UBE3B: variants seen among roughly 807,000 people sequenced by gnomAD.
UBE3B encodes ubiquitin protein ligase E3B, also known as ubiquitin-protein ligase E3B.
In UBE3B, 80 loss-of-function variants were observed where a neutral mutation model predicts 132.3. That is an observed-to-expected ratio of 0.60 (90% CI 0.50 to 0.73). UBE3B has a LOEUF of 0.73. UBE3B is among the 30% of genes least tolerant of loss of function. The probability of loss-of-function intolerance (pLI) is 0.00; values close to 1 mark genes in which losing one functional copy is unlikely to be tolerated. For missense variants in UBE3B, 1,196 were observed against 1,362.5 expected, an observed-to-expected ratio of 0.88 and a Z score of 1.92; for synonymous variants, 487 against 520.4, an observed-to-expected ratio of 0.94 and a Z score of 0.87.
rs565691993 is a variant in UBE3B, at chr12:109,516,771, C to G, written c.1963C>G (p.Leu655Val). Residue 655 changes from leucine (L) to valine (V), a missense_variant, in exon 19 of 28, where the codon CTA becomes GTA. Coordinates refer to ENST00000342494, the MANE Select transcript of UBE3B (RefSeq NM_130466.4). Reference sequence around the variant, plus strand: ...CCGCCTTTGTTCATTTTAGAGAGTTCTACTGTTTCGAACCATGGTTACCAA... The same window carrying G: ...CCGCCTTTGTTCATTTTAGAGAGTTGTACTGTTTCGAACCATGGTTACCAA... Reference protein sequence around the residue: ...PHVIPHKNRVLLFRTMVTKEK... With the variant: ...PHVIPHKNRVVLFRTMVTKEK... 2.2e-5 allele frequency: 35 copies of G among 1,613,742 alleles called. No homozygotes were observed. Among genetic ancestry groups the G allele is most frequent in the Middle Eastern group, 3.3e-4 (2 of 6,084 alleles).
At chr12:109,524,193 C>G in intron 22 of UBE3B, 78 bp downstream of exon 22, 1 of 1,579,972 alleles carries the variant, frequency 6.3e-7, no homozygotes, top group Non-Finnish European at 8.6e-7. Context: ...AAGGAGATGG[C>G]CTGTCCTCTC....
At chr12:109,488,489 C>T in intron 6 of UBE3B, 83 bp from the exon 7 acceptor site, 1 of 1,232,686 alleles carries the variant, frequency 8.1e-7, no homozygotes. Flanking sequence ...GCTGAGTGCC[C>T]ATAGAGCAGT....
At chr12:109,536,948 C>A (rs1387998044), downstream of UBE3B, among the ~76,000 whole-genome samples, 1 of 152,244 alleles carries the variant, frequency 6.6e-6, no homozygotes, top group Non-Finnish European at 1.5e-5. Context: ...CTCTCACCCA[C>A]TTCCCAGAGG....
At chr12:109,501,274 A>G in intron 12 of UBE3B, 97 bp from the exon 13 acceptor site, 1 of 1,480,226 alleles carries the variant, frequency 6.8e-7, no homozygotes, top group African/African-American at 1.4e-5. Context: ...GGTCCTAGCT[A>G]CAGCTCCGAG....
chr12:109,508,401 C>T (rs914919909), intron 15 of UBE3B: 2 of 513,222 alleles, frequency 3.9e-6, no homozygotes, highest in Non-Finnish European at 5.0e-6. Context: ...AAAACAGCGT[C>T]AAATACTTAG....
chr12:109,541,131 C>A (rs1162172091), downstream of UBE3B, among the ~76,000 whole-genome samples: 1 of 152,240 alleles, frequency 6.6e-6, no homozygotes, highest in African/African-American at 2.4e-5. Context: ...GCGTGGTCCA[C>A]CTGCCTGCGG....
At chr12:109,516,456 C>T (rs1422990424) in intron 18 of UBE3B, among the ~76,000 whole-genome samples, 2 of 152,218 alleles carry the variant, frequency 1.3e-5, no homozygotes. Context: ...GGATTACAGG[C>T]GTGAGCCCCC....
At chr12:109,516,052 A>G (rs1880992375) in intron 18 of UBE3B, among the ~76,000 whole-genome samples, 2 of 151,316 alleles carry the variant, frequency 1.3e-5, no homozygotes, top group African/African-American at 4.9e-5. Flanking sequence ...CATAATATTG[A>G]TTTCCCTTAA....
chr12:109,484,578 G>A (rs1876065748), intron 4 of UBE3B, among the ~76,000 whole-genome samples: 1 of 152,102 alleles, frequency 6.6e-6, no homozygotes, highest in Non-Finnish European at 1.5e-5. Flanking sequence ...TTTTAGTAGA[G>A]ATGGGGTTTC....
chr12:109,494,414 A>G (rs185333931), intron 9 of UBE3B, among the ~76,000 whole-genome samples: 2 of 152,174 alleles, frequency 1.3e-5, no homozygotes, highest in African/African-American at 4.8e-5. Flanking sequence ...TAGTTTGCCC[A>G]GGCACTTAGT....
chr12:109,503,030 A>G lies in UBE3B; in HGVS notation c.1290A>G (p.Leu430=). The G allele has an allele frequency of 1.2e-6, 2 of 1,614,112 alleles. No individual in the cohort carries two copies. The highest frequency in any genetic ancestry group is 1.7e-6 in the Non-Finnish European group (2 of 1,180,004). ...TTCTTTTCTCCATGCCAGGTCTCCTAAAGCGTGCTTTTCAAAAGTCGGCAT... is the reference window on the plus strand; with the variant it reads ...TTCTTTTCTCCATGCCAGGTCTCCTGAAGCGTGCTTTTCAAAAGTCGGCAT... ...PQNVLPVKSL[L]KRAFQKSASV... is the part of the protein sequence containing the mutation. The change falls in exon 14 of 28, where the codon CTA becomes CTG. Residue 430 remains leucine (L), a synonymous_variant. Transcript: ENST00000342494.
At chr12:109,486,115 G>T in intron 5 of UBE3B, 44 bp downstream of exon 5, 1 of 1,547,244 alleles carries the variant, frequency 6.5e-7, no homozygotes, top group Non-Finnish European at 8.7e-7. Flanking sequence ...GCTCTTAAGG[G>T]CCAACCTACT....
the UBE3B span, among the ~76,000 whole-genome samples, chr12:109,546,455 G>A: frequency 2.0e-5 from 3 of 152,310 alleles, no homozygotes; most frequent in South Asian, 6.2e-4. Flanking sequence ...ATGGGAGCCA[G>A]GGCAGTTCAG....
At chr12:109,502,949 G>A in intron 13 of UBE3B, 74 bp from the exon 14 acceptor site, 5 of 1,583,230 alleles carry the variant, frequency 3.2e-6, no homozygotes, top group Middle Eastern at 1.8e-4. Context: ...TTACTGAAAT[G>A]CTCTTCCTTT....
intron 8 of UBE3B, chr12:109,490,357 T>A: frequency 6.8e-7 from 1 of 1,472,392 alleles, no homozygotes. Context: ...CAAACAGCCC[T>A]TTCCACTTTG....
intron 15 of UBE3B, 145 bp downstream of exon 15, chr12:109,507,880 C>T: frequency 2.1e-6 from 2 of 974,924 alleles, no homozygotes; most frequent in Non-Finnish European, 3.0e-6. Context: ...AGCCATTTAC[C>T]AAGTGAGCAG....
At chr12:109,487,901 TC>T (rs1876787163) in intron 6 of UBE3B, among the ~76,000 whole-genome samples, 1 of 152,186 alleles carries the variant, frequency 6.6e-6, no homozygotes, top group African/African-American at 2.4e-5. Context: ...CAAGGTCCCT[TC>T]CAGGTGGACC....
At chr12:109,512,363 C>T (rs1221593138) in intron 18 of UBE3B, among the ~76,000 whole-genome samples, 1 of 152,086 alleles carries the variant, frequency 6.6e-6, no homozygotes, top group African/African-American at 2.4e-5. Context: ...GGAGGGAAAC[C>T]AGGAGAGTGC....
At chr12:109,530,492 G>A in intron 25 of UBE3B, 55 bp from the exon 26 acceptor site, 1 of 1,509,718 alleles carries the variant, frequency 6.6e-7, no homozygotes, top group African/African-American at 1.4e-5. Context: ...CTGCCTGCCT[G>A]TCCATAAGTG....
Sources: gnomAD v4.1 joint callset for allele counts (sites outside exome capture counted in the v4.1 genomes callset) on GRCh38, gnomAD v4.1.1 for gene constraint, MANE v1.5 for transcripts, NCBI Gene and HGNC (gene_info 2026-07-23, HGNC 2026-07-21) for gene names.